TRIM4: variants seen among roughly 807,000 people sequenced by gnomAD.
The protein encoded by TRIM4 is tripartite motif containing 4.
TRIM4 carries 29 observed loss-of-function variants against 33.7 expected under a neutral mutation model. That is an observed-to-expected ratio of 0.86 (90% CI 0.64 to 1.17). The LOEUF is 1.17. Among genes scored for constraint, TRIM4 ranks in the 50% most tolerant of loss-of-function variants. The pLI is 0.00. For synonymous variants in TRIM4, 224 were observed against 233.0 expected (o/e 0.96, Z 0.35); for missense variants, 554 against 593.7 (o/e 0.93, Z 0.69).
Position 99,908,676 on chromosome 7 carries a change from T to C in TRIM4, c.626A>G (p.Asn209Ser), listed in dbSNP as rs746799872. 6.2e-7 allele frequency: 1 copy of C among 1,614,222 alleles called. No individual in the cohort carries two copies. The highest frequency in any genetic ancestry group is 8.5e-7 in the Non-Finnish European group (1 of 1,180,032). ...GATAGTTTGATTGAGTTTTAACGTGTTCTCATTCAGCTTCTTCTTCGTCTC... is the reference window on the plus strand; with the variant it reads ...GATAGTTTGATTGAGTTTTAACGTGCTCTCATTCAGCTTCTTCTTCGTCTC... ...EEETKKKLNE[N>S]TLKLNQTIAS... The change falls in exon 3 of 6, where the codon AAC (asparagine) becomes AGC (serine). Residue 209 changes from asparagine (N) to serine (S), a missense_variant. Asn to Ser is a conservative substitution (Grantham distance 46, BLOSUM62 1). This residue lies in a region of TRIM4 where 290 missense variants were observed against 335.8 expected (regional missense o/e 0.86). Coordinates refer to ENST00000349062, the MANE Select transcript of TRIM4 (RefSeq NM_033091.3).
At chr7:99,906,751 C>T (rs1425227180) in intron 3 of TRIM4, among the ~76,000 whole-genome samples, 2 of 152,036 alleles carry the variant, frequency 1.3e-5, no homozygotes, top group Non-Finnish European at 2.9e-5. Flanking sequence ...GAGATCAAGG[C>T]AGGAAAATTA....
Position 99,903,864 on chromosome 7 carries a change from A to G in TRIM4, c.721-266T>C, listed in dbSNP as rs775276542. ...TCCTGGCTTCCTGCCGGCCTCCCCA[A>G]CTAGTCTCAATCACAGAGCCTGCTC... On this transcript the variant is annotated intron_variant, in intron 3 of 5. Transcript: ENST00000349062. Among the ~76,000 whole-genome samples the G allele has an allele frequency of 3.9e-5, 6 of 152,056 alleles. No individual in the cohort carries two copies. In the South Asian group the frequency reaches 6.2e-4, roughly 16 times the overall value.
chr7:99,911,764 T>C (rs753173658), intron 1 of TRIM4, among the ~76,000 whole-genome samples: 67 of 152,338 alleles, frequency 4.4e-4, no homozygotes, highest in South Asian at 1.0e-3. Flanking sequence ...ACATTAATCC[T>C]AGGGTACAGC....
intron 1 of TRIM4, among the ~76,000 whole-genome samples, chr7:99,915,092 G>A (rs1819525381): frequency 1.3e-5 from 2 of 152,228 alleles, no homozygotes; most frequent in Admixed American, 6.5e-5. Context: ...TTACAGGCGT[G>A]AGCCACTGCG....
Position 99,891,494 on chromosome 7 carries a change from G to A in TRIM4, c.*669C>T, listed in dbSNP as rs1330260719. On this transcript the variant is annotated 3_prime_UTR_variant, in exon 6 of 6. Coordinates refer to ENST00000349062, the MANE Select transcript of TRIM4 (RefSeq NM_033091.3). ...AATAGCTGAGGGCAGAGTTATGGTT[G>A]GGAAGAGAGAGAGTGCAACATAGGC... 1 of 152,340 alleles carries A rather than the reference G, an allele frequency of 6.6e-6. No individual in the cohort carries two copies. The highest frequency in any genetic ancestry group is 1.5e-5 in the Non-Finnish European group (1 of 68,148). The allele number at this position is 152,340 out of a possible 1,614,324, so 9.4% of individuals were successfully genotyped here.
At chr7:99,907,632 T>C (rs1398638878) in intron 3 of TRIM4, among the ~76,000 whole-genome samples, 3 of 152,252 alleles carry the variant, frequency 2.0e-5, no homozygotes, top group Non-Finnish European at 4.4e-5. Flanking sequence ...AACTTTTACA[T>C]AATTCTTGGA....
Position 99,909,610 on chromosome 7 carries a change from G to T in TRIM4, c.444C>A (p.Val148=). ...TCACTTCTACATCCTGTAAATGCAT[G>T]ACTTTCTTCATCTTGGCCACGAGAT... ...QRNLVAKMKK[V]MHLQDVEVKN... Residue 148 remains valine, a synonymous_variant, in exon 2 of 6, where the codon GTC becomes GTA. Transcript: ENST00000349062. 6 of 1,613,552 alleles carry T rather than the reference G, an allele frequency of 3.7e-6. No homozygotes were observed. The highest frequency in any genetic ancestry group is 5.1e-6 in the Non-Finnish European group (6 of 1,179,940).
chr7:99,905,479 AT>A (rs1819279928), intron 3 of TRIM4, among the ~76,000 whole-genome samples: 1 of 152,218 alleles, frequency 6.6e-6, no homozygotes, highest in Non-Finnish European at 1.5e-5. Flanking sequence ...CAAAAGAAAA[AT>A]GAATAATATG....
rs762090265 is a variant in TRIM4 at position 99,903,611 on chromosome 7, G to T, written c.721-13C>A. The T allele has an allele frequency of 6.2e-7, 1 of 1,614,192 alleles. No homozygotes were observed. Among genetic ancestry groups the T allele is most frequent in the East Asian group, 2.2e-5 (1 of 44,892 alleles). Reference sequence around the variant, plus strand: ...CTTCTTTTGGATTCTGTGAAAAGAAGGAAGACATAAGCAAATTACGAACCT... The same window carrying T: ...CTTCTTTTGGATTCTGTGAAAAGAATGAAGACATAAGCAAATTACGAACCT... On this transcript the variant is annotated splice_polypyrimidine_tract_variant and intron_variant, in intron 3 of 5. Transcript: ENST00000349062.
chr7:99,902,292 T>A (rs1819194068), intron 5 of TRIM4: 2 of 673,156 alleles, frequency 3.0e-6, no homozygotes, highest in East Asian at 5.4e-5. Flanking sequence ...TATCGCCCAG[T>A]CTGGAGTGCA....
chr7:99,911,575 A>C (rs898919848), intron 1 of TRIM4, among the ~76,000 whole-genome samples: 2 of 152,270 alleles, frequency 1.3e-5, no homozygotes, highest in Non-Finnish European at 2.9e-5. Flanking sequence ...ACTAATAGGT[A>C]TAACTTTTCA....
At chr7:99,893,286 C>T (rs949555756) in intron 5 of TRIM4, among the ~76,000 whole-genome samples, 2 of 152,040 alleles carry the variant, frequency 1.3e-5, no homozygotes, top group African/African-American at 4.8e-5. Context: ...AAAGACTAAC[C>T]TCTAGAAACT....
rs778045965 is a variant in TRIM4 at position 99,892,342 on chromosome 7, C to T, written c.1246G>A (p.Ala416Thr). The T allele has an allele frequency of 6.8e-6, 11 of 1,614,180 alleles. No individual in the cohort carries two copies. Among genetic ancestry groups the T allele is most frequent in the Non-Finnish European group, 9.3e-6 (11 of 1,180,032 alleles). ...AGGTAAACCCCCACTCGGTGGAGAG[C>T]TGGCTCTTGCTGGGTGGGAGTTCCA... ...FPGTPTQQEPALHRVGVYLDR... is the reference protein window; with the variant it reads ...FPGTPTQQEPTLHRVGVYLDR... Residue 416 changes from alanine to threonine, a missense_variant, in exon 6 of 6, where the codon GCT becomes ACT. Around this residue, in one of 3 missense-constraint regions of TRIM4, gnomAD observed 290 missense variants for 335.8 expected, o/e 0.86. Coordinates refer to ENST00000349062, the MANE Select transcript of TRIM4 (RefSeq NM_033091.3).
intron 5 of TRIM4, among the ~76,000 whole-genome samples, chr7:99,900,709 A>T (rs576059341): frequency 6.6e-6 from 1 of 151,912 alleles, no homozygotes; most frequent in Non-Finnish European, 1.5e-5. Context: ...TTTGAAGGAT[A>T]TTTTTTGCCA....
intron 5 of TRIM4, among the ~76,000 whole-genome samples, chr7:99,898,489 C>A (rs1021629526): frequency 2.6e-5 from 4 of 152,218 alleles, no homozygotes; most frequent in African/African-American, 7.2e-5. Context: ...AGACGGCAAC[C>A]ACAGCTGGCC....
intron 1 of TRIM4, 69 bp from the exon 2 acceptor site, chr7:99,909,729 G>GTTTT (rs58242927): frequency 1.9e-4 from 137 of 724,940 alleles, no homozygotes; most frequent in East Asian, 5.5e-4. Flanking sequence ...TTTTCTTTTT[G>GTTTT]TTTTTTTTTT....
intron 5 of TRIM4, among the ~76,000 whole-genome samples, chr7:99,894,641 T>C (rs1171326443): frequency 6.8e-6 from 1 of 146,124 alleles, no homozygotes; most frequent in East Asian, 2.0e-4. Flanking sequence ...CGCCCCAGCC[T>C]AGGCAACAGA....
At chr7:99,910,032 A>G (rs1371963159) in intron 1 of TRIM4, among the ~76,000 whole-genome samples, 1 of 150,974 alleles carries the variant, frequency 6.6e-6, no homozygotes, top group Non-Finnish European at 1.5e-5. Flanking sequence ...ACGCCTGGCA[A>G]CTTCATTTTT....
chr7:99,905,962 T>C (rs1819293476), intron 3 of TRIM4, among the ~76,000 whole-genome samples: 1 of 151,604 alleles, frequency 6.6e-6, no homozygotes, highest in Non-Finnish European at 1.5e-5. Context: ...CTGGCCAACA[T>C]GGCAAAACCC....
Sources: gnomAD v4.1 joint callset for allele counts (sites outside exome capture counted in the v4.1 genomes callset) on GRCh38, gnomAD v4.1.1 for gene constraint, gnomAD v4.1.1 regional missense constraint, MANE v1.5 for transcripts, NCBI Gene and HGNC (gene_info 2026-07-23, HGNC 2026-07-21) for gene names.